The following TRAPPC9 variants were observed in gnomAD, a reference collection of about 807,000 sequenced individuals.
TRAPPC9 encodes IKK2 binding protein.
TRAPPC9 carries 83 observed loss-of-function variants against 124.0 expected under a neutral mutation model. That is an observed-to-expected ratio of 0.67 (90% confidence interval 0.56 to 0.80). The LOEUF is 0.80. TRAPPC9 is among the 30% of genes least tolerant of loss of function. The pLI, the probability that TRAPPC9 is intolerant of heterozygous loss-of-function variation, is 0.00. For missense variants in TRAPPC9, 1,302 were observed against 1,508.3 expected, an observed-to-expected ratio of 0.86 and a Z score of 2.27; for synonymous variants, 638 against 617.5, an observed-to-expected ratio of 1.03 and a Z score of -0.49.
At chr8:140,178,285 C>A (rs1382879449) in intron 17 of TRAPPC9, among the ~76,000 whole-genome samples, 1 of 152,090 alleles carries the variant, frequency 6.6e-6, no homozygotes, top group Non-Finnish European at 1.5e-5. Flanking sequence ...TATTTCCAGT[C>A]TCCTAAGTGT....
intron 17 of TRAPPC9, among the ~76,000 whole-genome samples, chr8:140,146,982 C>CTA (rs55880852): frequency 0.019 from 2,922 of 152,158 alleles, 31 homozygotes; most frequent in South Asian, 0.032. Flanking sequence ...AGATTCATTT[C>CTA]CTTCTGTCAA....
chr8:140,175,508 G>A (rs558068396), intron 17 of TRAPPC9, among the ~76,000 whole-genome samples: 3 of 152,216 alleles, frequency 2.0e-5, no homozygotes, highest in Non-Finnish European at 4.4e-5. Context: ...AGAAATGAAC[G>A]CCAAAGAGAT....
At chr8:140,358,800 G>A (rs905698331) in intron 9 of TRAPPC9, among the ~76,000 whole-genome samples, 102 of 152,280 alleles carry the variant, frequency 6.7e-4, no homozygotes, top group African/African-American at 2.0e-3. Flanking sequence ...GGAGAGGCCC[G>A]TTCCCCAGGG....
At chr8:140,333,663 T>C (rs777777293) in intron 9 of TRAPPC9, among the ~76,000 whole-genome samples, 1 of 152,228 alleles carries the variant, frequency 6.6e-6, no homozygotes, top group Non-Finnish European at 1.5e-5. Flanking sequence ...AGTGCTGGGA[T>C]TACAGGCGTA....
At chr8:139,857,450 A>T (rs191714058) in intron 21 of TRAPPC9, among the ~76,000 whole-genome samples, 11 of 152,192 alleles carry the variant, frequency 7.2e-5, no homozygotes, top group Non-Finnish European at 1.3e-4. Flanking sequence ...TCCACTTGAC[A>T]GCTGGGGAAG....
At position 140,045,404 on chromosome 8, in the gene TRAPPC9, T is replaced by C. The variant is rs527865600; in HGVS notation, c.2557-21325A>G. Among the ~76,000 whole-genome samples, 26 of 152,016 alleles carry C rather than the reference T, an allele frequency of 1.7e-4. No homozygotes were observed. In the East Asian group the frequency reaches 2.5e-3, roughly 15 times the overall value. ...ACTTTGGGAGACCGAGGCGGGTGGA[T>C]CACCTGAGGTCAGGAGTTAGAGACC... is the stretch of plus-strand genomic sequence containing the variant. On this transcript the variant is annotated intron_variant, in intron 17 of 22. Coordinates refer to ENST00000438773, the MANE Select transcript of TRAPPC9 (RefSeq NM_001160372.4).
chr8:140,260,703 T>C (rs1201802346), intron 15 of TRAPPC9, among the ~76,000 whole-genome samples: 2 of 152,158 alleles, frequency 1.3e-5, no homozygotes, highest in African/African-American at 4.8e-5. Flanking sequence ...ACAGCTACAT[T>C]GTCCACATGT....
intron 21 of TRAPPC9, among the ~76,000 whole-genome samples, chr8:139,814,997 C>T (rs181927770): frequency 2.2e-4 from 34 of 152,326 alleles, no homozygotes; most frequent in African/African-American, 8.2e-4. Context: ...TTGCTGCCAC[C>T]AGTATGTGTA....
intron 21 of TRAPPC9, among the ~76,000 whole-genome samples, chr8:139,819,155 C>T (rs1825073373): frequency 6.6e-6 from 1 of 152,142 alleles, no homozygotes; most frequent in Admixed American, 6.5e-5. Context: ...AGCACAAACC[C>T]TATTATGAAC....
At chr8:139,875,455 T>C (rs1212629690) in intron 21 of TRAPPC9, among the ~76,000 whole-genome samples, 1 of 152,238 alleles carries the variant, frequency 6.6e-6, no homozygotes, top group Non-Finnish European at 1.5e-5. Context: ...GCTTTTCCTC[T>C]GAATATAGGT....
intron 17 of TRAPPC9, among the ~76,000 whole-genome samples, chr8:140,054,445 A>T (rs994529314): frequency 1.4e-4 from 21 of 152,208 alleles, no homozygotes; most frequent in Admixed American, 9.2e-4. Context: ...CTGTGGCAAT[A>T]AACACCTGTA....
chr8:140,351,781 G>C (rs925397268), intron 9 of TRAPPC9, among the ~76,000 whole-genome samples: 1 of 152,152 alleles, frequency 6.6e-6, no homozygotes, highest in African/African-American at 2.4e-5. Flanking sequence ...TTCCCATCAC[G>C]CTTACAGTGG....
intron 11 of TRAPPC9, among the ~76,000 whole-genome samples, chr8:140,295,222 G>C (rs1382730697): frequency 6.6e-6 from 1 of 152,212 alleles, no homozygotes; most frequent in Admixed American, 6.5e-5. Flanking sequence ...CCAGCACATA[G>C]CACAGGGCAT....
intron 17 of TRAPPC9, among the ~76,000 whole-genome samples, chr8:140,210,167 GGCCGGAACC>G (rs2063023366): frequency 6.6e-6 from 1 of 152,222 alleles, no homozygotes; most frequent in African/African-American, 2.4e-5. Context: ...CTAGCAGAGG[GGCCGGAACC>G]GTGAATTCTG....
In TRAPPC9 at chr8:140,427,800, C is replaced by T. The variant is rs2132558502; in HGVS notation, c.860-1159G>A. Among the ~76,000 whole-genome samples, 4 of 152,336 alleles carry T rather than the reference C, an allele frequency of 2.6e-5. No homozygotes were observed. The South Asian group carries it at 8.3e-4, about 32-fold the overall frequency. The stretch of plus-strand genomic sequence containing the variant: ...TATTTAAGAGCTATTTTGTGTACAG[C>T]CATCTGTTTGTAAACGCAGACTAAA... On this transcript the variant is annotated intron_variant, in intron 4 of 22. Coordinates refer to ENST00000438773, the MANE Select transcript of TRAPPC9 (RefSeq NM_001160372.4).
intron 5 of TRAPPC9, among the ~76,000 whole-genome samples, chr8:140,419,255 C>G (rs929721675): frequency 1.3e-5 from 2 of 151,764 alleles, no homozygotes; most frequent in African/African-American, 4.8e-5. Flanking sequence ...GGTGAAACCC[C>G]GTCTCTACTG....
chr8:140,096,910 A>T (rs1292033712), intron 17 of TRAPPC9: 1 of 152,324 alleles, frequency 6.6e-6, no homozygotes, highest in Non-Finnish European at 1.5e-5. Context: ...CTATGCTGAG[A>T]AGTCAAGAAG....
chr8:139,834,446 G>C lies in TRAPPC9; in HGVS notation c.3055+51433C>G, dbSNP rs570181145. ...CACCACGTGACATGCACAACTGAGAGACAGAGCTGGCTTTCTGAGGAAGGG... is the reference window on the plus strand; with the variant it reads ...CACCACGTGACATGCACAACTGAGACACAGAGCTGGCTTTCTGAGGAAGGG... On this transcript the variant is annotated intron_variant, in intron 21 of 22. Transcript: ENST00000438773. Among the ~76,000 whole-genome samples, 30 of 152,330 alleles carry C rather than the reference G, an allele frequency of 2.0e-4. No individual in the cohort carries two copies. In the South Asian group the frequency reaches 6.0e-3, roughly 30 times the overall value.
chr8:140,356,001 G>A lies in TRAPPC9; in HGVS notation c.1495+4049C>T, dbSNP rs149450118. ...AATATAAACAGGATAAGAAAAAACGGTGGGGAAGGCAGAGGTTAAAGCATC... is the reference window on the plus strand; with the variant it reads ...AATATAAACAGGATAAGAAAAAACGATGGGGAAGGCAGAGGTTAAAGCATC... On this transcript the variant is annotated intron_variant, in intron 9 of 22. Coordinates refer to ENST00000438773, the MANE Select transcript of TRAPPC9 (RefSeq NM_001160372.4). Among the ~76,000 whole-genome samples the A allele has an allele frequency of 3.7e-4, 57 of 152,274 alleles. No homozygotes were observed. In the East Asian group the frequency reaches 4.2e-3, roughly 11 times the overall value.
Sources: allele counts gnomAD v4.1 joint callset (sites outside exome capture counted in the v4.1 genomes callset), GRCh38; gene constraint gnomAD v4.1.1; transcripts MANE v1.5; gene names NCBI Gene and HGNC (gene_info 2026-07-23, HGNC 2026-07-21).